The following FBN2 variants were observed in gnomAD, a reference collection of about 807,000 sequenced individuals.
The protein encoded by FBN2 is fibrillin 2, also known as fibrillin-2.
Under a neutral mutation model 355.6 loss-of-function variants are expected in FBN2, and 105 were observed. The ratio of observed to expected loss-of-function variants is 0.30; its 90% CI spans 0.25 to 0.35. FBN2 has a LOEUF of 0.35. Among genes scored for constraint, FBN2 ranks in the 10% least tolerant of loss-of-function variants. The pLI, the probability that FBN2 is intolerant of heterozygous loss-of-function variation, is 1.00. For synonymous variants in FBN2, 1,350 were observed against 1,301.2 expected, an observed-to-expected ratio of 1.04 and a Z score of -0.81; for missense variants, 3,280 against 3,758.7, an observed-to-expected ratio of 0.87 and a Z score of 3.33.
At chr5:128,280,807 G>A (rs1765518571) in intron 55 of FBN2, among the ~76,000 whole-genome samples, 1 of 152,152 alleles carries the variant, frequency 6.6e-6, no homozygotes, top group South Asian at 2.1e-4. Context: ...TGGTCTGTGA[G>A]GGTAGTTAAT....
At chr5:128,428,768 G>A (rs915156580) in intron 7 of FBN2, among the ~76,000 whole-genome samples, 4 of 152,144 alleles carry the variant, frequency 2.6e-5, no homozygotes, top group African/African-American at 9.7e-5. Context: ...TATTCCCAGG[G>A]TCTAGAACAG....
rs1158966833 is a variant in FBN2 at position 128,261,825 on chromosome 5, G to C, written c.8275C>G (p.Pro2759Ala). The C allele has an allele frequency of 6.2e-7, 1 of 1,613,996 alleles. No homozygotes were observed. The highest frequency in any genetic ancestry group is 1.7e-5 in the Admixed American group (1 of 60,022). Reference sequence around the variant, plus strand: ...ATTTTGCACTCGTAGCATGCTTCTGGGGACAGAGCATTTTCCTCATCGACC... The same window carrying C: ...ATTTTGCACTCGTAGCATGCTTCTGCGGACAGAGCATTTTCCTCATCGACC... ...TEVDEENALSPEACYECKING... is the reference protein window; with the variant it reads ...TEVDEENALSAEACYECKING... The change falls in exon 64 of 65, where the codon CCA becomes GCA. Residue 2759 changes from proline (P) to alanine (A), a missense_variant. Coordinates refer to ENST00000262464, the MANE Select transcript of FBN2 (RefSeq NM_001999.4).
At chr5:128,327,195 A>C (rs892932890) in intron 34 of FBN2, among the ~76,000 whole-genome samples, 9 of 152,226 alleles carry the variant, frequency 5.9e-5, no homozygotes, top group Non-Finnish European at 1.0e-4. Flanking sequence ...GATTCTGCCC[A>C]ATCTTGTGGG....
At chr5:128,335,115 G>A in intron 30 of FBN2, 55 bp downstream of exon 30, 1 of 1,609,010 alleles carries the variant, frequency 6.2e-7, no homozygotes, top group Admixed American at 1.7e-5. Context: ...GTGTGTGCAT[G>A]TGGGTGTGTG....
At chr5:128,351,756 T>C (rs933784480) in intron 20 of FBN2, among the ~76,000 whole-genome samples, 12 of 152,160 alleles carry the variant, frequency 7.9e-5, no homozygotes, top group Middle Eastern at 3.4e-3. Context: ...ACACAGTGCA[T>C]TGCCATGTTG....
chr5:128,280,916 T>G (rs1466122413), intron 55 of FBN2, among the ~76,000 whole-genome samples: 1 of 152,220 alleles, frequency 6.6e-6, no homozygotes, highest in African/African-American at 2.4e-5. Context: ...TCCTTACTTT[T>G]TGTGCTTTTT....
At chr5:128,379,121 T>C (rs1398621162) in intron 11 of FBN2, among the ~76,000 whole-genome samples, 3 of 152,106 alleles carry the variant, frequency 2.0e-5, no homozygotes, top group Non-Finnish European at 1.5e-5. Context: ...TTTGCTTTAA[T>C]CAAGAATTAA....
intron 22 of FBN2, 128 bp downstream of exon 22, chr5:128,349,827 A>C: frequency 2.6e-6 from 2 of 768,200 alleles, no homozygotes; most frequent in Non-Finnish European, 4.5e-6. Flanking sequence ...TGTTGATTAC[A>C]TCGAGTATTT....
chr5:128,304,488 A>C (rs1189536901), intron 45 of FBN2, among the ~76,000 whole-genome samples: 1 of 152,236 alleles, frequency 6.6e-6, no homozygotes, highest in Non-Finnish European at 1.5e-5. Flanking sequence ...TATGTACATA[A>C]ATCCCACTAT....
Position 128,298,888 on chromosome 5 carries a change from G to A in FBN2, c.6166+1929C>T, listed in dbSNP as rs536194478. ...TGTTCTGTTGCTGGTGAGGAACTGC[G>A]TTCCTTTGGAGGAGGAGAGGCGCTC... On this transcript the variant is annotated intron_variant, in intron 48 of 64. Coordinates refer to ENST00000262464, the MANE Select transcript of FBN2 (RefSeq NM_001999.4). Among the ~76,000 whole-genome samples, 134 of 152,308 alleles carry A rather than the reference G, an allele frequency of 8.8e-4. 1 individual carries two copies. The highest frequency in any genetic ancestry group is 2.4e-3 in the African/African-American group (101 of 41,556).
At chr5:128,409,773 GCTGA>G in intron 7 of FBN2, among the ~76,000 whole-genome samples, 1 of 152,056 alleles carries the variant, frequency 6.6e-6, no homozygotes, top group Non-Finnish European at 1.5e-5. Flanking sequence ...GTCAAAATAA[GCTGA>G]CTTTTAGTTT....
intron 41 of FBN2, among the ~76,000 whole-genome samples, chr5:128,307,923 C>A (rs187665461): frequency 1.1e-3 from 170 of 152,100 alleles, no homozygotes; most frequent in African/African-American, 4.0e-3. Flanking sequence ...GCTATCAGGT[C>A]AGGGATATTG....
chr5:128,273,298 C>G (rs1266614014), intron 61 of FBN2, among the ~76,000 whole-genome samples: 2 of 152,106 alleles, frequency 1.3e-5, no homozygotes, highest in African/African-American at 4.8e-5. Context: ...TAAATGTTCC[C>G]TTGGATTTTA....
chr5:128,433,529 GAA>G (rs1299710439), intron 7 of FBN2, among the ~76,000 whole-genome samples: 1 of 152,108 alleles, frequency 6.6e-6, no homozygotes, highest in East Asian at 1.9e-4. Context: ...TTACTAATGG[GAA>G]AAGCAAAGCT....
chr5:128,320,745 T>C (rs1402536871), intron 34 of FBN2, among the ~76,000 whole-genome samples: 1 of 152,216 alleles, frequency 6.6e-6, no homozygotes, highest in Non-Finnish European at 1.5e-5. Flanking sequence ...ATTTAGACAG[T>C]GAAGCTAAAA....
intron 7 of FBN2, among the ~76,000 whole-genome samples, chr5:128,427,106 T>C (rs1012637513): frequency 1.3e-4 from 20 of 152,168 alleles, no homozygotes; most frequent in Non-Finnish European, 2.9e-5. Flanking sequence ...GTCTAACAGA[T>C]GTCTCAAATT....
At position 128,276,097 on chromosome 5, in the gene FBN2, C is replaced by T; in HGVS notation, c.7535G>A (p.Ser2512Asn). The stretch of plus-strand genomic sequence containing the variant: ...CCCCCTCGGACATGAACACTGATAA[C>T]TCCCCTCAGTGTTCTTGCAGATGTA... ...CNYICKNTEG[S>N]YQCSCPRGYV... Residue 2512 changes from serine to asparagine, a missense_variant, in exon 59 of 65, where the codon AGT becomes AAT. Transcript: ENST00000262464. 1 of 1,612,578 alleles carries T rather than the reference C, an allele frequency of 6.2e-7. No individual in the cohort carries two copies. Among genetic ancestry groups the T allele is most frequent in the Middle Eastern group, 1.7e-4 (1 of 6,060 alleles).
Position 128,307,218 on chromosome 5 carries a change from C to G in FBN2, c.5354-15G>C, listed in dbSNP as rs1749907832. ...TTTAAAGTCAGCTTTAAAATATAAA[C>G]AAAGCAATGCACTCTTAAATTTCTC... On this transcript the variant is annotated splice_polypyrimidine_tract_variant and intron_variant, in intron 41 of 64. Coordinates refer to ENST00000262464, the MANE Select transcript of FBN2 (RefSeq NM_001999.4). 1 of 1,438,882 alleles carries G rather than the reference C, an allele frequency of 6.9e-7. No homozygotes were observed. The highest frequency in any genetic ancestry group is 9.8e-7 in the Non-Finnish European group (1 of 1,020,668). The allele number at this position is 1,438,882 out of a possible 1,614,324, so 89.1% of individuals were successfully genotyped here. A position where few individuals can be genotyped will look rare whatever the true frequency, so the allele number is the denominator to read the frequency against.
At chr5:128,320,277 C>T (rs1029498584) in intron 34 of FBN2, among the ~76,000 whole-genome samples, 2 of 151,354 alleles carry the variant, frequency 1.3e-5, no homozygotes, top group African/African-American at 2.4e-5. Flanking sequence ...AGTAGTAGCA[C>T]GATCATGGCT....
Sources: gnomAD v4.1 joint callset for allele counts (sites outside exome capture counted in the v4.1 genomes callset) on GRCh38, gnomAD v4.1.1 for gene constraint, MANE v1.5 for transcripts, NCBI Gene and HGNC (gene_info 2026-07-23, HGNC 2026-07-21) for gene names.